The following NFIB variants were observed in gnomAD, a reference collection of about 807,000 sequenced individuals.
NFIB encodes nuclear factor 1 B-type.
NFIB carries 11 observed loss-of-function variants against 61.5 expected under a neutral mutation model. The observed-to-expected ratio is 0.18, with a 90% CI of 0.11 to 0.30. The LOEUF (loss-of-function observed/expected upper bound fraction) is 0.30, where lower values mean the gene tolerates loss of function less well. Ranked by LOEUF, NFIB falls within the 10% of genes least tolerant of loss-of-function variation. NFIB has a pLI of 1.00. For synonymous variants in NFIB, 260 were observed against 216.5 expected (o/e 1.20, Z -1.76); for missense variants, 471 against 608.9 (o/e 0.77, Z 2.38).
Position 14,307,209 on chromosome 9 carries a change from C to T in NFIB, c.342G>A (p.Lys114=), listed in dbSNP as rs529113781. The part of the protein sequence containing the change: ...CVLSNPDQKG[K]IRRIDCLRQA... ...GTCGCAGGCAGTCGATTCTCCTAAT[C>T]TTACCCTTCTGGTCGGGATTGGATA... The change falls in exon 2 of 11, where the codon AAG becomes AAA. Residue 114 remains lysine, a synonymous_variant. Transcript: ENST00000380953. The surrounding 1 kb of genome is among the most constrained non-coding windows in gnomAD (Gnocchi z 5.3). The T allele has an allele frequency of 5.6e-6, 9 of 1,614,104 alleles. No individual in the cohort carries two copies. In the East Asian group the frequency reaches 2.0e-4, roughly 36 times the overall value.
intron 2 of NFIB, among the ~76,000 whole-genome samples, chr9:14,286,882 C>G (rs1022959791): frequency 6.6e-6 from 1 of 152,144 alleles, no homozygotes; most frequent in Non-Finnish European, 1.5e-5. Context: ...CATAATCTCC[C>G]TACATGTGCA....
intron 2 of NFIB, among the ~76,000 whole-genome samples, chr9:14,238,278 C>G (rs1233405281): frequency 2.0e-5 from 3 of 152,064 alleles, no homozygotes; most frequent in Admixed American, 2.0e-4. Flanking sequence ...GGCAGAGTGA[C>G]TCACTGGGGA....
chr9:14,215,594 A>T (rs927863499), intron 2 of NFIB, among the ~76,000 whole-genome samples: 3 of 152,228 alleles, frequency 2.0e-5, no homozygotes, highest in Admixed American at 2.0e-4. Flanking sequence ...CTACTTAAAA[A>T]GTGATCAGAT....
rs926561547 is a variant in NFIB at position 14,120,842 on chromosome 9, T to G, written c.1061-218A>C. ...GAGATAAAACATCACTCTAGAAAAT[T>G]AACAATCTTGCTTCCTGGCTCTGTG... On this transcript the variant is annotated intron_variant, in intron 7 of 10. Coordinates refer to ENST00000380953, the MANE Select transcript of NFIB (RefSeq NM_001190737.2). The surrounding 1 kb of genome is among the most constrained non-coding windows in gnomAD (Gnocchi z 4.4). 1.3e-5 allele frequency among the ~76,000 whole-genome samples: 2 copies of G among 152,200 alleles called. No individual in the cohort carries two copies. The highest frequency in any genetic ancestry group is 4.8e-5 in the African/African-American group (2 of 41,456).
intron 2 of NFIB, among the ~76,000 whole-genome samples, chr9:14,205,416 T>G (rs1045533006): frequency 2.6e-4 from 40 of 151,738 alleles, no homozygotes; most frequent in African/African-American, 9.2e-4. Context: ...AAATACTTCA[T>G]AAGTACACCT....
chr9:14,204,875 G>A, intron 2 of NFIB: 2 of 382,990 alleles, frequency 5.2e-6, no homozygotes, highest in South Asian at 5.5e-5. Context: ...TAACTCAGAA[G>A]ACAAAGGGGC....
At chr9:14,306,761 GTCTT>G (rs1208974631) in intron 2 of NFIB, among the ~76,000 whole-genome samples, 2 of 152,122 alleles carry the variant, frequency 1.3e-5, no homozygotes, top group Non-Finnish European at 2.9e-5. Flanking sequence ...CCTCTTTGTG[GTCTT>G]TCTTAAATAT....
chr9:14,125,818 G>A (rs961839403), intron 6 of NFIB, 52 bp from the exon 7 acceptor site: 1 of 1,586,902 alleles, frequency 6.3e-7, no homozygotes, highest in African/African-American at 1.4e-5. Flanking sequence ...TAAGCTCTAA[G>A]GTTCATGTCA....
chr9:14,401,877 G>A (rs2061746190), upstream of NFIB, among the ~76,000 whole-genome samples: 1 of 151,818 alleles, frequency 6.6e-6, no homozygotes, highest in South Asian at 2.1e-4. Context: ...TGAGACTGGT[G>A]GGCCAGAAAT....
rs560034516 is a variant in NFIB, at chr9:14,398,029, T to C, written c.108+495A>G. ...AGGCTCCATGTAATGTGCTCACATA[T>C]ATGAATATTTCCCATACTATTGAGT... is the stretch of plus-strand genomic sequence containing the variant. On this transcript the variant is annotated intron_variant, in intron 1 of 8. Coordinates refer to the NFIB transcript ENST00000380934. Among the ~76,000 whole-genome samples, 9 of 152,278 alleles carry C rather than the reference T, an allele frequency of 5.9e-5. No individual in the cohort carries two copies. In the South Asian group the frequency reaches 1.9e-3, roughly 32 times the overall value.
intron 1 of NFIB, among the ~76,000 whole-genome samples, chr9:14,390,167 G>C (rs1409283724): frequency 6.6e-6 from 1 of 151,960 alleles, no homozygotes; most frequent in Non-Finnish European, 1.5e-5. Flanking sequence ...TGCCCCCAAA[G>C]GAAAAAAAGG....
Position 14,087,653 on chromosome 9 carries a change from G to A in NFIB, c.*656C>T, listed in dbSNP as rs545790805. On this transcript the variant is annotated 3_prime_UTR_variant, in exon 11 of 11. Coordinates refer to ENST00000380953, the MANE Select transcript of NFIB (RefSeq NM_001190737.2). ...ACTGGAAAAGGCTGGGTTAAGGGCC[G>A]AAATTTAATAAATCTGTACTGATAA... The A allele has an allele frequency of 4.2e-5, 9 of 215,962 alleles. No homozygotes were observed. Among genetic ancestry groups the A allele is most frequent in the East Asian group, 1.4e-4 (2 of 14,654 alleles). The allele number at this position is 215,962 out of a possible 1,614,324, so 13.4% of individuals were successfully genotyped here. A position where few individuals can be genotyped will look rare whatever the true frequency, so the allele number is the denominator to read the frequency against.
intron 2 of NFIB, among the ~76,000 whole-genome samples, chr9:14,230,069 T>C (rs2052932703): frequency 6.6e-6 from 1 of 152,224 alleles, no homozygotes; most frequent in Non-Finnish European, 1.5e-5. Context: ...CCTCCCAATG[T>C]GCTGAGATTA....
chr9:14,166,170 T>C (rs1468240854), intron 3 of NFIB, among the ~76,000 whole-genome samples: 2 of 152,196 alleles, frequency 1.3e-5, no homozygotes, highest in African/African-American at 2.4e-5. Flanking sequence ...TAATTGTTAC[T>C]ATTCTCATGA....
chr9:14,249,364 A>G (rs890137365), intron 2 of NFIB, among the ~76,000 whole-genome samples: 6 of 152,208 alleles, frequency 3.9e-5, no homozygotes, highest in Admixed American at 1.3e-4. Context: ...AAGTATTACC[A>G]AGAAATAGTA....
chr9:14,239,548 A>AAAGAG (rs1374994685), intron 2 of NFIB, among the ~76,000 whole-genome samples: 1 of 151,762 alleles, frequency 6.6e-6, no homozygotes. Context: ...AGGAAAACAG[A>AAAGAG]AAGAGAAAAG....
At chr9:14,134,594 T>G (rs1436319689) in intron 6 of NFIB, among the ~76,000 whole-genome samples, 1 of 152,100 alleles carries the variant, frequency 6.6e-6, no homozygotes, top group Non-Finnish European at 1.5e-5. Flanking sequence ...TATTATGTAC[T>G]CATTACAAAG....
At chr9:14,251,540 GCT>G (rs2055620037) in intron 2 of NFIB, among the ~76,000 whole-genome samples, 1 of 152,186 alleles carries the variant, frequency 6.6e-6, no homozygotes, top group Admixed American at 6.5e-5. Flanking sequence ...TGATGTCAGT[GCT>G]ATTTTCTCCT....
At chr9:14,420,390 G>C in the NFIB span, among the ~76,000 whole-genome samples, 4 of 121,256 alleles carry the variant, frequency 3.3e-5, no homozygotes, top group Non-Finnish European at 6.4e-5. Context: ...AGGTTCCGGT[G>C]AACTAAGATC....
Sources: allele counts gnomAD v4.1 joint callset (sites outside exome capture counted in the v4.1 genomes callset), GRCh38; gene constraint gnomAD v4.1.1; non-coding constraint Gnocchi (gnomAD v3.1); transcripts MANE v1.5; gene names NCBI Gene and HGNC (gene_info 2026-07-23, HGNC 2026-07-21).